OR14A16: variants seen among roughly 807,000 people sequenced by gnomAD.
OR14A16 encodes olfactory receptor 14A16.
For missense variants in OR14A16, 341 were observed against 366.5 expected, an observed-to-expected ratio of 0.93 and a Z score of 0.57; for synonymous variants, 135 against 137.6, an observed-to-expected ratio of 0.98 and a Z score of 0.13.
At chr1:247,822,414 TCTC>T (rs1245616519) in intron 1 of OR14A16, among the ~76,000 whole-genome samples, 4 of 151,820 alleles carry the variant, frequency 2.6e-5, no homozygotes, top group African/African-American at 4.8e-5. Context: ...GTGAGATGCC[TCTC>T]CTCCTCTGGC....
rs1662582860 is a variant in OR14A16 at position 247,815,086 on chromosome 1, G to T, written c.644C>A (p.Thr215Asn). 1 of 1,613,844 alleles carries T rather than the reference G, an allele frequency of 6.2e-7. No homozygotes were observed. The highest frequency in any genetic ancestry group is 1.3e-5 in the African/African-American group (1 of 74,910). ...DFCCFIVIII[T>N]YVHVFSTVKK... is the part of the protein sequence containing the mutation. ...GACTGTAGAGAAGACGTGGACATAG[G>T]TAATGATGATGACAATAAAACAGCA... Residue 215 changes from threonine to asparagine, a missense_variant, in exon 3 of 3, where the codon ACC (threonine) becomes AAC (asparagine). Coordinates refer to ENST00000641093, the MANE Select transcript of OR14A16 (RefSeq NM_001001966.2).
chr1:247,816,280 T>C (rs1050763018), intron 2 of OR14A16, among the ~76,000 whole-genome samples: 1 of 152,222 alleles, frequency 6.6e-6, no homozygotes, highest in Admixed American at 6.5e-5. Flanking sequence ...TTAACCTACT[T>C]ACTCTCTAAA....
chr1:247,821,831 C>T (rs1263981675), intron 1 of OR14A16, among the ~76,000 whole-genome samples: 1 of 140,854 alleles, frequency 7.1e-6, no homozygotes, highest in Non-Finnish European at 1.6e-5. Flanking sequence ...CTTTCTTCAC[C>T]TTTTGCTGTC....
rs775341631 is a variant in OR14A16, at chr1:247,815,624, C to T, written c.106G>A (p.Ala36Thr). ...SILFLLIYLC[A>T]LMGNVLIIMI... ...ATAATGAGGACATTCCCCATCAGGG[C>T]ACACAAATAAATCAACAAGAAGAGA... Residue 36 changes from alanine to threonine, a missense_variant, in exon 3 of 3, where the codon GCC (alanine) becomes ACC (threonine). Physicochemically the swap from Ala to Thr is moderately conservative, Grantham distance 58. Coordinates refer to ENST00000641093, the MANE Select transcript of OR14A16 (RefSeq NM_001001966.2). 1.2e-6 allele frequency: 2 copies of T among 1,611,678 alleles called. No homozygotes were observed. Among genetic ancestry groups the T allele is most frequent in the South Asian group, 2.2e-5 (2 of 91,034 alleles).
chr1:247,816,902 A>G (rs1297091853), intron 2 of OR14A16, among the ~76,000 whole-genome samples: 2 of 152,132 alleles, frequency 1.3e-5, no homozygotes, highest in African/African-American at 4.8e-5. Context: ...TACAACGACA[A>G]TGCGTGACCT....
chr1:247,817,485 A>G (rs1662645651), intron 2 of OR14A16, among the ~76,000 whole-genome samples: 1 of 152,182 alleles, frequency 6.6e-6, no homozygotes, highest in Non-Finnish European at 1.5e-5. Context: ...ACTTCATCTT[A>G]CAGCATCACT....
At chr1:247,823,634 T>C (rs905792368) in intron 1 of OR14A16, among the ~76,000 whole-genome samples, 3 of 152,122 alleles carry the variant, frequency 2.0e-5, no homozygotes, top group African/African-American at 7.2e-5. Context: ...TGGGAAAAAA[T>C]GTTTTTAGGC....
At chr1:247,820,663 T>C (rs146036999) in intron 1 of OR14A16, among the ~76,000 whole-genome samples, 6,373 of 149,842 alleles carry the variant, frequency 0.043, 166 homozygotes, top group South Asian at 0.058. Flanking sequence ...CTGACTAATA[T>C]GGTGAAACCC....
chr1:247,821,753 T>C (rs1283532348), intron 1 of OR14A16, among the ~76,000 whole-genome samples: 1 of 146,280 alleles, frequency 6.8e-6, no homozygotes, highest in Non-Finnish European at 1.5e-5. Context: ...GGGTAGTACT[T>C]ACTGCTGCCA....
rs558014430 is a variant in OR14A16 at position 247,816,043 on chromosome 1, A to G, written c.-15-299T>C. On this transcript the variant is annotated intron_variant, in intron 2 of 2. Transcript: ENST00000641093. ...CTGAAAGATTAAAAATTTTCTACGG[A>G]TGTTATCAAAACTTAAAAACAAAGT... 3.3e-5 allele frequency among the ~76,000 whole-genome samples: 5 copies of G among 152,296 alleles called. No homozygotes were observed. In the South Asian group the frequency reaches 1.0e-3, roughly 32 times the overall value.
chr1:247,815,865 TTCCATGCCAA>T (rs1300798103), intron 2 of OR14A16, 121 bp from the exon 3 acceptor site: 3 of 478,898 alleles, frequency 6.3e-6, no homozygotes, highest in Non-Finnish European at 1.1e-5. Context: ...CGTATGGTAA[TTCCATGCCAA>T]TTTGCCACAA....
At chr1:247,822,013 A>T (rs1327330509) in intron 1 of OR14A16, among the ~76,000 whole-genome samples, 1 of 152,104 alleles carries the variant, frequency 6.6e-6, no homozygotes, top group African/African-American at 2.4e-5. Flanking sequence ...ATCCACATTA[A>T]ATTTAAAAAC....
intron 1 of OR14A16, among the ~76,000 whole-genome samples, chr1:247,821,033 T>G (rs1225721972): frequency 6.6e-6 from 1 of 152,236 alleles, no homozygotes; most frequent in African/African-American, 2.4e-5. Flanking sequence ...CATTAGTTGT[T>G]TATAAGCATG....
At chr1:247,817,570 G>C (rs1454841636) in intron 2 of OR14A16, among the ~76,000 whole-genome samples, 2 of 152,096 alleles carry the variant, frequency 1.3e-5, no homozygotes. Flanking sequence ...CTTTCTTCTA[G>C]TATGAGGGAA....
chr1:247,819,893 T>C (rs763319737), intron 1 of OR14A16, among the ~76,000 whole-genome samples: 54 of 152,240 alleles, frequency 3.5e-4, no homozygotes, highest in Middle Eastern at 3.2e-3. Flanking sequence ...TTGTGATTTA[T>C]GGCTTTATGA....
intron 2 of OR14A16, among the ~76,000 whole-genome samples, chr1:247,818,457 G>T (rs1662667538): frequency 6.6e-6 from 1 of 152,108 alleles, no homozygotes; most frequent in Non-Finnish European, 1.5e-5. Flanking sequence ...TCACTGTTCA[G>T]AATAGCTAAC....
At position 247,821,607 on chromosome 1, in the gene OR14A16, T is replaced by A. The variant is rs1437017876; in HGVS notation, c.-131+2346A>T. On this transcript the variant is annotated intron_variant, in intron 1 of 2. Coordinates refer to ENST00000641093, the MANE Select transcript of OR14A16 (RefSeq NM_001001966.2). ...GTTTGATACCCATTTGGATGGAATA[T>A]CCTGTCATCCTTATACTTTCAATCT... 5.2e-5 allele frequency among the ~76,000 whole-genome samples: 6 copies of A among 114,736 alleles called. No individual in the cohort carries two copies. The East Asian group carries it at 1.2e-3, about 22-fold the overall frequency. 75.3% of individuals were successfully genotyped at this position (114,736 alleles called of 152,430 possible). A position where few individuals can be genotyped will look rare whatever the true frequency, so the allele number is the denominator to read the frequency against.
intron 1 of OR14A16, among the ~76,000 whole-genome samples, chr1:247,823,132 T>C (rs528504189): frequency 6.6e-6 from 1 of 152,302 alleles, no homozygotes; most frequent in Non-Finnish European, 1.5e-5. Flanking sequence ...CCACTACTTT[T>C]ACCAGGAGTT....
At chr1:247,817,165 T>G (rs1018734148) in intron 2 of OR14A16, among the ~76,000 whole-genome samples, 1 of 152,226 alleles carries the variant, frequency 6.6e-6, no homozygotes, top group Admixed American at 6.5e-5. Flanking sequence ...AAAACTGTAC[T>G]TGACAATTTT....
Sources: gnomAD v4.1 joint callset for allele counts (sites outside exome capture counted in the v4.1 genomes callset) on GRCh38, gnomAD v4.1.1 for gene constraint, MANE v1.5 for transcripts, NCBI Gene and HGNC (gene_info 2026-07-23, HGNC 2026-07-21) for gene names.